Variants in CPEB3 observed in about 807,000 individuals in gnomAD.
CPEB3 encodes the protein cytoplasmic polyadenylation element binding protein 3.
A neutral mutation model predicts 67.2 loss-of-function variants in CPEB3; 20 were observed. That is an observed-to-expected ratio of 0.30 (90% CI 0.21 to 0.43). The LOEUF (loss-of-function observed/expected upper bound fraction) is 0.43. Among genes scored for constraint, CPEB3 ranks in the 20% least tolerant of loss-of-function variants. CPEB3 has a pLI of 1.00. For synonymous variants in CPEB3, 376 were observed against 393.1 expected (o/e 0.96, Z 0.51); for missense variants, 746 against 968.6 (o/e 0.77, Z 3.05).
intron 7 of CPEB3, among the ~76,000 whole-genome samples, chr10:92,097,680 AAC>A (rs1287402943): frequency 1.3e-5 from 2 of 152,196 alleles, no homozygotes; most frequent in East Asian, 3.8e-4. Context: ...TAATAATATC[AAC>A]AGTTAGTAGT....
chr10:92,186,470 T>G (rs1848696857), intron 3 of CPEB3, among the ~76,000 whole-genome samples: 1 of 151,754 alleles, frequency 6.6e-6, no homozygotes. Flanking sequence ...AGTCTCGCTC[T>G]GTCACCCAGG....
intron 2 of CPEB3, chr10:92,216,676 T>C (rs1850418191): frequency 6.2e-7 from 1 of 1,606,528 alleles, no homozygotes; most frequent in African/African-American, 1.3e-5. Flanking sequence ...CGGACCTGGG[T>C]GCAGCCACAG....
At chr10:92,150,657 G>C (rs1846919716) in intron 4 of CPEB3, among the ~76,000 whole-genome samples, 1 of 152,082 alleles carries the variant, frequency 6.6e-6, no homozygotes, top group Admixed American at 6.5e-5. Flanking sequence ...TTATTTCCTG[G>C]ACATGTGTTA....
chr10:92,076,868 A>T (rs544854830), intron 9 of CPEB3, among the ~76,000 whole-genome samples: 1 of 151,002 alleles, frequency 6.6e-6, no homozygotes, highest in South Asian at 2.1e-4. Context: ...AGGAGGAGGA[A>T]AGGGGGAAGG....
At chr10:92,053,466 T>G (rs933169322) in intron 9 of CPEB3, among the ~76,000 whole-genome samples, 5 of 149,588 alleles carry the variant, frequency 3.3e-5, no homozygotes, top group Non-Finnish European at 7.4e-5. Context: ...CAGGTTCAAG[T>G]GATTCTCCTG....
rs114095996 is a variant in CPEB3 at position 92,116,972 on chromosome 10, T to C, written c.1454-5778A>G. 8.2e-3 allele frequency among the ~76,000 whole-genome samples: 1,255 copies of C among 152,338 alleles called. 24 individuals are homozygous for C. Among genetic ancestry groups the C allele is most frequent in the African/African-American group, 0.029 (1,197 of 41,582 alleles). ...GGTTTGGGAAGGAACTTAATTAGGA[T>C]AATTCCATTTCATTGGCCAGGTGTG... On this transcript the variant is annotated intron_variant, in intron 6 of 9. Coordinates refer to ENST00000265997, the MANE Select transcript of CPEB3 (RefSeq NM_014912.5).
At chr10:92,205,724 C>T (rs1849756237) in intron 2 of CPEB3, among the ~76,000 whole-genome samples, 1 of 152,058 alleles carries the variant, frequency 6.6e-6, no homozygotes, top group Non-Finnish European at 1.5e-5. Flanking sequence ...GATCTTCCCA[C>T]CTCAGCCTCC....
chr10:92,250,858 A>AGTTTTTTTT (rs1454105127), intron 1 of CPEB3, among the ~76,000 whole-genome samples: 1 of 104,120 alleles, frequency 9.6e-6, no homozygotes. Flanking sequence ...CACACAGTTA[A>AGTTTTTTTT]TTTTTTTTTT....
chr10:92,192,756 C>T (rs868707227), intron 2 of CPEB3, 120 bp from the exon 3 acceptor site: 6 of 605,160 alleles, frequency 9.9e-6, no homozygotes, highest in Middle Eastern at 4.4e-4. Flanking sequence ...GCCCCAACAG[C>T]ATACAGTCCT....
chr10:92,281,554 CTCTT>C (rs1207418489), intron 1 of CPEB3, among the ~76,000 whole-genome samples: 1 of 152,134 alleles, frequency 6.6e-6, no homozygotes, highest in Non-Finnish European at 1.5e-5. Context: ...TTGTCAGTCT[CTCTT>C]TCAGGTAAAA....
intron 2 of CPEB3, among the ~76,000 whole-genome samples, chr10:92,200,144 GA>G (rs1849448874): frequency 6.6e-6 from 1 of 152,158 alleles, no homozygotes; most frequent in East Asian, 1.9e-4. Flanking sequence ...GTCCTTGGGG[GA>G]AAATTATCAG....
At chr10:92,096,064 A>C (rs1590125672) in intron 7 of CPEB3, among the ~76,000 whole-genome samples, 1 of 128,616 alleles carries the variant, frequency 7.8e-6, no homozygotes, top group East Asian at 2.3e-4. Flanking sequence ...TTTAGTAGAG[A>C]TGGGGTTTCA....
chr10:92,203,501 T>C (rs1849630177), intron 2 of CPEB3, among the ~76,000 whole-genome samples: 1 of 128,954 alleles, frequency 7.8e-6, no homozygotes, highest in Non-Finnish European at 1.6e-5. Context: ...TGTATATATA[T>C]GTGTGTGTAT....
At chr10:92,112,921 C>T (rs1332523203) in intron 6 of CPEB3, among the ~76,000 whole-genome samples, 1 of 152,204 alleles carries the variant, frequency 6.6e-6, no homozygotes, top group Non-Finnish European at 1.5e-5. Flanking sequence ...AATCAACTGG[C>T]TAAGAAGCAA....
intron 2 of CPEB3, among the ~76,000 whole-genome samples, chr10:92,200,406 G>A (rs756588211): frequency 3.0e-4 from 45 of 151,896 alleles, no homozygotes; most frequent in Admixed American, 1.7e-3. Flanking sequence ...TTAGCCGGGC[G>A]TGGTGGCGCA....
At chr10:92,259,627 G>C (rs998965387) in intron 1 of CPEB3, among the ~76,000 whole-genome samples, 29 of 150,940 alleles carry the variant, frequency 1.9e-4, no homozygotes, top group South Asian at 4.2e-4. Context: ...TCATCTATCT[G>C]TACCACATTT....
intron 2 of CPEB3, among the ~76,000 whole-genome samples, chr10:92,223,567 C>CTTTT (rs903904452): frequency 4.0e-4 from 34 of 84,146 alleles, no homozygotes; most frequent in Non-Finnish European, 5.4e-4. Flanking sequence ...CTAATTATTT[C>CTTTT]TTTTTTTTTT....
At chr10:92,278,360 T>C (rs1339080272) in intron 1 of CPEB3, among the ~76,000 whole-genome samples, 1 of 152,148 alleles carries the variant, frequency 6.6e-6, no homozygotes, top group Middle Eastern at 3.2e-3. Context: ...AATCTTCTAA[T>C]GAACATGAGA....
At chr10:92,229,983 T>C (rs1590459477) in intron 2 of CPEB3, among the ~76,000 whole-genome samples, 1 of 151,612 alleles carries the variant, frequency 6.6e-6, no homozygotes, top group Non-Finnish European at 1.5e-5. Context: ...GAGGCGGAGG[T>C]TGCGGTGAGC....
Sources: allele counts gnomAD v4.1 joint callset (sites outside exome capture counted in the v4.1 genomes callset), GRCh38; gene constraint gnomAD v4.1.1; transcripts MANE v1.5; gene names NCBI Gene and HGNC (gene_info 2026-07-23, HGNC 2026-07-21).